Variants in TRPC4 observed in about 807,000 individuals in gnomAD.
TRPC4 encodes short transient receptor potential channel 4.
Under a neutral mutation model 99.4 loss-of-function variants are expected in TRPC4, and 49 were observed. That is an observed-to-expected ratio of 0.49 (90% CI 0.39 to 0.63). The LOEUF is 0.63. Ranked by LOEUF, TRPC4 falls within the 20% of genes least tolerant of loss-of-function variation. TRPC4 has a pLI of 0.00. For synonymous variants in TRPC4, 454 were observed against 425.9 expected (o/e 1.07, Z -0.81); for missense variants, 898 against 1,152.9 (o/e 0.78, Z 3.20).
At chr13:37,786,815 A>G (rs1254032108) in intron 1 of TRPC4, among the ~76,000 whole-genome samples, 2 of 152,056 alleles carry the variant, frequency 1.3e-5, no homozygotes, top group Non-Finnish European at 2.9e-5. Flanking sequence ...TTATATTTAG[A>G]AGATTTGGAA....
intron 1 of TRPC4, among the ~76,000 whole-genome samples, chr13:37,829,321 C>A (rs1307539123): frequency 6.6e-6 from 1 of 152,180 alleles, no homozygotes; most frequent in Admixed American, 6.5e-5. Flanking sequence ...ACAGACATTT[C>A]TCTAAAGATT....
chr13:37,755,160 T>A (rs563520767), intron 2 of TRPC4, among the ~76,000 whole-genome samples: 1 of 152,152 alleles, frequency 6.6e-6, no homozygotes, highest in South Asian at 2.1e-4. Flanking sequence ...TTAAATTCAG[T>A]TTTTATAAAA....
At chr13:37,814,089 A>G (rs1957776187) in intron 1 of TRPC4, among the ~76,000 whole-genome samples, 1 of 151,898 alleles carries the variant, frequency 6.6e-6, no homozygotes, top group African/African-American at 2.4e-5. Flanking sequence ...TCATCACAAC[A>G]ATAGACACAG....
chr13:37,736,757 CTCA>C (rs1955406784), intron 3 of TRPC4, among the ~76,000 whole-genome samples: 1 of 151,924 alleles, frequency 6.6e-6, no homozygotes. Context: ...GAGACAGGGT[CTCA>C]CTCTGTCACC....
intron 3 of TRPC4, among the ~76,000 whole-genome samples, chr13:37,694,546 A>C (rs1953845865): frequency 6.6e-6 from 1 of 152,232 alleles, no homozygotes; most frequent in Admixed American, 6.5e-5. Flanking sequence ...TATACTCTGT[A>C]AAATTACCTA....
At chr13:37,759,492 A>G (rs1278453533) in intron 2 of TRPC4, among the ~76,000 whole-genome samples, 1 of 151,938 alleles carries the variant, frequency 6.6e-6, no homozygotes, top group Non-Finnish European at 1.5e-5. Flanking sequence ...ATGCATTTGC[A>G]ACATATGAGA....
chr13:37,666,647 C>T (rs1323410251), intron 5 of TRPC4, among the ~76,000 whole-genome samples: 1 of 152,112 alleles, frequency 6.6e-6, no homozygotes, highest in Non-Finnish European at 1.5e-5. Flanking sequence ...ATTTTCCACA[C>T]CTATTCTTAG....
At position 37,770,450 on chromosome 13, in the gene TRPC4, T is replaced by C. The variant is rs117638593; in HGVS notation, c.378+12506A>G. Among the ~76,000 whole-genome samples the C allele has an allele frequency of 1.2e-3, 176 of 151,662 alleles. 2 individuals carry two copies. In the East Asian group the frequency reaches 0.029, roughly 25 times the overall value. On this transcript the variant is annotated intron_variant, in intron 2 of 10. Coordinates refer to ENST00000379705, the MANE Select transcript of TRPC4 (RefSeq NM_016179.4). Reference sequence around the variant, plus strand: ...TCAGGCAGACTAAGTTGGGAATAAATAGAACATGATACAGTAAAGAGAAAA... The same window carrying C: ...TCAGGCAGACTAAGTTGGGAATAAACAGAACATGATACAGTAAAGAGAAAA...
At chr13:37,707,585 C>T (rs1023434522) in intron 3 of TRPC4, among the ~76,000 whole-genome samples, 4 of 152,094 alleles carry the variant, frequency 2.6e-5, no homozygotes, top group African/African-American at 9.7e-5. Flanking sequence ...AGAAAAAGTT[C>T]AGTTTTACAG....
chr13:37,865,601 T>C (rs1959689152), intron 1 of TRPC4, among the ~76,000 whole-genome samples: 1 of 151,772 alleles, frequency 6.6e-6, no homozygotes, highest in Non-Finnish European at 1.5e-5. Context: ...TCTATCCCCA[T>C]GATGGGGACA....
chr13:37,756,833 C>T (rs1593671042), intron 2 of TRPC4, among the ~76,000 whole-genome samples: 1 of 152,038 alleles, frequency 6.6e-6, no homozygotes, highest in East Asian at 1.9e-4. Flanking sequence ...CCGTGACTGG[C>T]CTAAATACAC....
chr13:37,836,360 T>C (rs1375341310), intron 1 of TRPC4, among the ~76,000 whole-genome samples: 1 of 151,928 alleles, frequency 6.6e-6, no homozygotes, highest in Non-Finnish European at 1.5e-5. Context: ...GTTGGGACAG[T>C]TTGGGGGGCT....
At chr13:37,745,474 A>ATATG (rs1566138420) in intron 3 of TRPC4, among the ~76,000 whole-genome samples, 39 of 2,114 alleles carry the variant, frequency 0.018, 1 homozygote, top group South Asian at 0.047. Context: ...ATATATATAT[A>ATATG]CACACACACA....
chr13:37,638,420 A>G (rs1317086351), intron 10 of TRPC4, among the ~76,000 whole-genome samples: 2 of 151,996 alleles, frequency 1.3e-5, no homozygotes, highest in Non-Finnish European at 2.9e-5. Context: ...GCTATTTTCT[A>G]TGTTAAATAT....
At chr13:37,842,341 G>A (rs1593300653) in intron 1 of TRPC4, among the ~76,000 whole-genome samples, 1 of 20,576 alleles carries the variant, frequency 4.9e-5, no homozygotes, top group Non-Finnish European at 7.9e-5. Context: ...ATAGCGTCTA[G>A]CCAAAAAAAA....
chr13:37,723,180 A>T (rs1408174628), intron 3 of TRPC4, among the ~76,000 whole-genome samples: 2 of 152,196 alleles, frequency 1.3e-5, no homozygotes, highest in African/African-American at 4.8e-5. Flanking sequence ...CTTTATAAAA[A>T]AGGGAGATAT....
At chr13:37,754,236 C>T (rs1294449253) in intron 2 of TRPC4, among the ~76,000 whole-genome samples, 2 of 152,094 alleles carry the variant, frequency 1.3e-5, no homozygotes, top group African/African-American at 4.8e-5. Context: ...TATTCAATGT[C>T]TCCCATACGC....
At chr13:37,723,066 C>A (rs1241354812) in intron 3 of TRPC4, among the ~76,000 whole-genome samples, 1 of 152,092 alleles carries the variant, frequency 6.6e-6, no homozygotes, top group African/African-American at 2.4e-5. Flanking sequence ...TACACAGTGG[C>A]CAGATTCTCT....
In TRPC4 at chr13:37,793,842, TCA is replaced by T. The variant is rs1394405721; in HGVS notation, c.-27-10484_-27-10483del. On this transcript the variant is annotated intron_variant, in intron 1 of 10. Coordinates refer to ENST00000379705, the MANE Select transcript of TRPC4 (RefSeq NM_016179.4). ...CACTCTTTTGAAAGGTTCAAGTTGT[TCA>T]CCCTAGAAATACCTCCTTCCAGGAA... 2.0e-5 allele frequency among the ~76,000 whole-genome samples: 3 copies of T among 152,250 alleles called. No individual in the cohort carries two copies. In the East Asian group the frequency reaches 5.8e-4, roughly 29 times the overall value.
Sources: allele counts gnomAD v4.1 joint callset (sites outside exome capture counted in the v4.1 genomes callset), GRCh38; gene constraint gnomAD v4.1.1; transcripts MANE v1.5; gene names NCBI Gene and HGNC (gene_info 2026-07-23, HGNC 2026-07-21).